The following HIGD1B variants were observed in gnomAD, a reference collection of about 807,000 sequenced individuals.
The protein encoded by HIGD1B is HIG1 domain family member 1B.
HIGD1B carries 9 observed loss-of-function variants against 8.8 expected under a neutral mutation model. The ratio of observed to expected loss-of-function variants is 1.02; its 90% CI spans 0.62 to 1.78. The LOEUF is 1.78. Ranked by LOEUF, HIGD1B falls within the 40% of genes most tolerant of loss-of-function variation. The probability of loss-of-function intolerance (pLI) is 0.00; values close to 1 mark genes in which losing one functional copy is unlikely to be tolerated. For missense variants in HIGD1B, 126 were observed against 111.8 expected (o/e 1.13, Z -0.57); for synonymous variants, 47 against 38.8 (o/e 1.21, Z -0.78).
chr17:44,847,208 T>A (rs1332948758), upstream of HIGD1B, among the ~76,000 whole-genome samples: 1 of 148,960 alleles, frequency 6.7e-6, no homozygotes, highest in Non-Finnish European at 1.5e-5. Flanking sequence ...CCGAGGCAGG[T>A]GGATCATGAG....
At chr17:44,849,570 G>C (rs1476495827) in intron 2 of HIGD1B, among the ~76,000 whole-genome samples, 182 bp downstream of exon 2, 2 of 151,980 alleles carry the variant, frequency 1.3e-5, no homozygotes, top group East Asian at 3.9e-4. Flanking sequence ...GACCATCCTG[G>C]CCAACATGGT....
At position 44,849,238 on chromosome 17, in the gene HIGD1B, TG is replaced by T. The variant is rs756883126; in HGVS notation, c.101-15del. On this transcript the variant is annotated splice_polypyrimidine_tract_variant and intron_variant, in intron 1 of 2. Coordinates refer to ENST00000253410, the MANE Select transcript of HIGD1B (RefSeq NM_016438.4). ...CATTGTGGCTGTGGCCCAGGGGCTG[TG>T]TTCTCTGCCCACAGGCTTAGGAGGC... The T allele has an allele frequency of 5.0e-6, 8 of 1,613,536 alleles. No individual in the cohort carries two copies. The East Asian group carries it at 1.8e-4, about 36-fold the overall frequency.
Position 44,848,055 on chromosome 17 carries a change from T to A in HIGD1B, c.-98T>A. The A allele has an allele frequency of 2.8e-6, 2 of 720,294 alleles. No individual in the cohort carries two copies. The highest frequency in any genetic ancestry group is 2.5e-6 in the Non-Finnish European group (1 of 399,664). The allele number at this position is 720,294 out of a possible 1,614,324, so 44.6% of individuals were successfully genotyped here. On this transcript the variant is annotated 5_prime_UTR_variant, in exon 1 of 3. Coordinates refer to ENST00000253410, the MANE Select transcript of HIGD1B (RefSeq NM_016438.4). ...CTTAGCAGGTAACCTTCCTTTCCTCTCCAGACTGAGGAATCAGAGTTCTGA... is the reference window on the plus strand; with the variant it reads ...CTTAGCAGGTAACCTTCCTTTCCTCACCAGACTGAGGAATCAGAGTTCTGA...
At position 44,848,057 on chromosome 17, in the gene HIGD1B, C is replaced by T. The variant is rs1387964868; in HGVS notation, c.-96C>T. ...TAGCAGGTAACCTTCCTTTCCTCTC[C>T]AGACTGAGGAATCAGAGTTCTGATT... On this transcript the variant is annotated 5_prime_UTR_variant, in exon 1 of 3. Coordinates refer to ENST00000253410, the MANE Select transcript of HIGD1B (RefSeq NM_016438.4). 11 of 722,244 alleles carry T rather than the reference C, an allele frequency of 1.5e-5. No individual in the cohort carries two copies. The highest frequency in any genetic ancestry group is 2.5e-5 in the Non-Finnish European group (10 of 400,968). 44.7% of individuals were successfully genotyped at this position (722,244 alleles called of 1,614,324 possible).
At chr17:44,847,777 A>G (rs2145408170), upstream of HIGD1B, 1 of 183,736 alleles carries the variant, frequency 5.4e-6, no homozygotes, top group South Asian at 1.2e-4. Context: ...CCAGCACTCA[A>G]GGACTGTTTC....
chr17:44,845,974 C>A (rs1158066795), upstream of HIGD1B, among the ~76,000 whole-genome samples: 2 of 151,940 alleles, frequency 1.3e-5, no homozygotes, highest in Non-Finnish European at 2.9e-5. Flanking sequence ...CCTAGAGAGT[C>A]TGTCTCTCAC....
Position 44,849,335 on chromosome 17 carries a change from T to C in HIGD1B, c.182T>C (p.Leu61Pro), listed in dbSNP as rs369642058. 3 of 1,614,068 alleles carry C rather than the reference T, an allele frequency of 1.9e-6. No individual in the cohort carries two copies. In the African/African-American group the frequency reaches 4.0e-5, roughly 22 times the overall value. ...GGTTCCACCAAGATGTCCATACACC[T>C]GATTCACACCCGAGTGGCAGCGCAG... ...SRGSTKMSIH[L>P]IHTRVAAQAC... Residue 61 changes from leucine (L) to proline (P), a missense_variant, in exon 2 of 3, where the codon CTG becomes CCG. Transcript: ENST00000253410.
upstream of HIGD1B, among the ~76,000 whole-genome samples, chr17:44,847,395 T>C (rs1367311194): frequency 6.6e-6 from 1 of 152,090 alleles, no homozygotes; most frequent in African/African-American, 2.4e-5. Flanking sequence ...ATTGCGCCAC[T>C]GCAGTCCGCA....
rs759991313 is a variant in HIGD1B, at chr17:44,848,250, T to C, written c.98T>C (p.Ile33Thr). ...ACTCGGGAATCTCCACTGGTGCCTA[T>C]AGGTAAGTGAAGAAAGGAATGGGGT... ...RKTRESPLVPIGLGGCLVVAA... is the reference protein window; with the variant it reads ...RKTRESPLVPTGLGGCLVVAA... The change falls in exon 1 of 3, where the codon ATA (isoleucine) becomes ACA (threonine). Residue 33 changes from isoleucine (I) to threonine (T), a missense_variant and splice_region_variant. Ile to Thr is a moderately conservative substitution (Grantham distance 89). Transcript: ENST00000253410. 8.0e-6 allele frequency: 7 copies of C among 872,622 alleles called. No homozygotes were observed. Among genetic ancestry groups the C allele is most frequent in the Admixed American group, 6.8e-5 (4 of 59,174 alleles). 54.1% of individuals were successfully genotyped at this position (872,622 alleles called of 1,614,324 possible).
Position 44,848,208 on chromosome 17 carries a change from A to G in HIGD1B, c.56A>G (p.Glu19Gly), listed in dbSNP as rs757328796. 1 of 872,954 alleles carries G rather than the reference A, an allele frequency of 1.1e-6. No homozygotes were observed. The highest frequency in any genetic ancestry group is 1.3e-5 in the South Asian group (1 of 76,542). The allele number at this position is 872,954 out of a possible 1,614,324, so 54.1% of individuals were successfully genotyped here. Residue 19 changes from glutamate to glycine, a missense_variant, in exon 1 of 3, where the codon GAG (glutamate) becomes GGG (glycine). By Grantham distance (98) the Glu-to-Gly change is moderately conservative (BLOSUM62 -2). Coordinates refer to ENST00000253410, the MANE Select transcript of HIGD1B (RefSeq NM_016438.4). ...VPPDDEDCVS[E>G]KLLRKTRESP... is the part of the protein sequence containing the mutation. ...CCTGACGACGAAGACTGTGTGTCTG[A>G]GAAGCTCCTGAGGAAGACTCGGGAA...
rs116300236 is a variant in HIGD1B at position 44,850,379 on chromosome 17, G to A, written c.283G>A (p.Asp95Asn). ...CGATTACGTCAAGAGGATGGCACAG[G>A]ATGCTGGAGAGAAGTAGGACTCCTA... ...YSDYVKRMAQ[D>N]AGEK The change falls in exon 3 of 3, where the codon GAT becomes AAT. Residue 95 changes from aspartate to asparagine, a missense_variant. Transcript: ENST00000253410. The A allele has an allele frequency of 6.4e-4, 1,033 of 1,613,124 alleles. 6 individuals carry two copies. In the African/African-American group the frequency reaches 0.013, roughly 20 times the overall value.
At chr17:44,849,225 G>A (rs372010188) in intron 1 of HIGD1B, 29 bp from the exon 2 acceptor site, 19 of 1,612,468 alleles carry the variant, frequency 1.2e-5, no homozygotes, top group Non-Finnish European at 1.5e-5. Context: ...TTGTGGCTGT[G>A]GCCCAGGGGC....
intron 2 of HIGD1B, 171 bp from the exon 3 acceptor site, chr17:44,850,161 A>G (rs2050414394): frequency 1.8e-6 from 1 of 570,500 alleles, no homozygotes; most frequent in East Asian, 2.8e-5. Flanking sequence ...TGGTTTCCCC[A>G]GGTTGTGTGG....
At chr17:44,849,781 A>AG (rs1191121888) in intron 2 of HIGD1B, among the ~76,000 whole-genome samples, 27 of 147,438 alleles carry the variant, frequency 1.8e-4, no homozygotes, top group African/African-American at 6.3e-4. Context: ...AAAAAAAAAA[A>AG]AGGACTGTGA....
chr17:44,847,963 G>C lies in HIGD1B; in HGVS notation c.-190G>C. The C allele has an allele frequency of 1.9e-6, 1 of 513,040 alleles. No individual in the cohort carries two copies. The highest frequency in any genetic ancestry group is 3.5e-5 in the Admixed American group (1 of 28,340). 31.8% of individuals were successfully genotyped at this position (513,040 alleles called of 1,614,324 possible). A position where few individuals can be genotyped will look rare whatever the true frequency, so the allele number is the denominator to read the frequency against. On this transcript the variant is annotated 5_prime_UTR_variant, in exon 1 of 3. Coordinates refer to ENST00000253410, the MANE Select transcript of HIGD1B (RefSeq NM_016438.4). ...AATGGCACTAATGGCCCAGCCACCTGAGATGGGATACCTGGGAGGGACATC... is the reference window on the plus strand; with the variant it reads ...AATGGCACTAATGGCCCAGCCACCTCAGATGGGATACCTGGGAGGGACATC...
chr17:44,844,996 G>T (rs1273570635), upstream of HIGD1B, among the ~76,000 whole-genome samples: 1 of 152,138 alleles, frequency 6.6e-6, no homozygotes, highest in African/African-American at 2.4e-5. Context: ...AGTGGCTTAT[G>T]CCTGTAATCC....
At position 44,848,109 on chromosome 17, in the gene HIGD1B, C is replaced by A. The variant is rs1048025748; in HGVS notation, c.-44C>A. ...TGGAGTGCCTCTCTCTAGGACGGGG[C>A]TGCAGCATAGGAGTCTCAGCTGCTT... is the stretch of plus-strand genomic sequence containing the variant. On this transcript the variant is annotated 5_prime_UTR_variant, in exon 1 of 3. It adds an upstream start codon to the 5' untranslated region. Coordinates refer to ENST00000253410, the MANE Select transcript of HIGD1B (RefSeq NM_016438.4). The A allele has an allele frequency of 3.5e-6, 3 of 851,212 alleles. No homozygotes were observed. The highest frequency in any genetic ancestry group is 3.4e-5 in the Admixed American group (2 of 58,288). 52.7% of individuals were successfully genotyped at this position (851,212 alleles called of 1,614,324 possible).
At chr17:44,845,042 G>A (rs535755122), upstream of HIGD1B, among the ~76,000 whole-genome samples, 1 of 152,194 alleles carries the variant, frequency 6.6e-6, no homozygotes, top group East Asian at 1.9e-4. Context: ...CGGATCACCT[G>A]AGGTCAGGAG....
At chr17:44,847,200 G>A (rs1469905350), upstream of HIGD1B, among the ~76,000 whole-genome samples, 2 of 152,148 alleles carry the variant, frequency 1.3e-5, no homozygotes, top group African/African-American at 2.4e-5. Context: ...TTGGGAGGCC[G>A]AGGCAGGTGG....
Sources: allele counts gnomAD v4.1 joint callset (sites outside exome capture counted in the v4.1 genomes callset), GRCh38; gene constraint gnomAD v4.1.1; transcripts MANE v1.5; gene names NCBI Gene and HGNC (gene_info 2026-07-23, HGNC 2026-07-21).